The following CPLANE1 variants were observed in gnomAD, a reference collection of about 807,000 sequenced individuals.
CPLANE1 encodes ciliogenesis and planar polarity effector complex subunit 1, also known as ciliogenesis and planar polarity effector 1.
In CPLANE1, 263 loss-of-function variants were observed where a neutral mutation model predicts 362.5. That is an observed-to-expected ratio of 0.73 (90% CI 0.66 to 0.80). CPLANE1 has a LOEUF of 0.80. Among genes scored for constraint, CPLANE1 ranks in the 30% least tolerant of loss-of-function variants. The probability of loss-of-function intolerance (pLI) is 0.00; values close to 1 mark genes in which losing one functional copy is unlikely to be tolerated. For missense variants in CPLANE1, 3,461 were observed against 3,793.4 expected, an observed-to-expected ratio of 0.91 and a Z score of 2.30; for synonymous variants, 1,212 against 1,302.6, an observed-to-expected ratio of 0.93 and a Z score of 1.50.
At chr5:37,121,513 C>G in intron 49 of CPLANE1, 104 bp downstream of exon 49, 1 of 970,446 alleles carries the variant, frequency 1.0e-6, no homozygotes, top group Non-Finnish European at 1.6e-6. Flanking sequence ...TAACTCTAAG[C>G]AGGGTAAATG....
At position 37,107,585 on chromosome 5, in the gene CPLANE1, C is replaced by T; in HGVS notation, c.*17G>A. ...GAGGTGCTGGCCTGTGCATGGAAACCCAATGATATCCAGGTCTTACAGGTC... is the reference window on the plus strand; with the variant it reads ...GAGGTGCTGGCCTGTGCATGGAAACTCAATGATATCCAGGTCTTACAGGTC... On this transcript the variant is annotated 3_prime_UTR_variant, in exon 53 of 53. Transcript: ENST00000651892. 2 of 1,593,674 alleles carry T rather than the reference C, an allele frequency of 1.3e-6. No homozygotes were observed. Among genetic ancestry groups the T allele is most frequent in the Non-Finnish European group, 1.7e-6 (2 of 1,167,822 alleles).
chr5:37,243,164 A>G, intron 5 of CPLANE1, 45 bp from the exon 6 acceptor site: 1 of 1,076,364 alleles, frequency 9.3e-7, no homozygotes, highest in Non-Finnish European at 1.3e-6. Flanking sequence ...TAATCTGAAA[A>G]TAAATCAAGA....
intron 44 of CPLANE1, chr5:37,140,021 ATATCT>A: frequency 5.3e-6 from 5 of 948,362 alleles, no homozygotes; most frequent in Non-Finnish European, 6.3e-6. Context: ...ATTTTAGAAA[ATATCT>A]TATTTAAATC....
intron 15 of CPLANE1, among the ~76,000 whole-genome samples, chr5:37,217,747 G>T (rs946959104): frequency 1.3e-5 from 2 of 151,152 alleles, no homozygotes; most frequent in East Asian, 3.9e-4. Context: ...GAGGCCGAGG[G>T]GGGAGGATCA....
Position 37,198,762 on chromosome 5 carries a change from AGAAC to A in CPLANE1, c.3608_3611del (p.Cys1203PhefsTer4). The A allele has an allele frequency of 1.2e-6, 2 of 1,614,152 alleles. No homozygotes were observed. Among genetic ancestry groups the A allele is most frequent in the Non-Finnish European group, 1.7e-6 (2 of 1,180,038 alleles). On this transcript the variant is annotated frameshift_variant, in exon 20 of 53. Transcript: ENST00000651892. ...ATATATACCACTGTGCTACAGGAAA[AGAAC>A]ACTGAGCCGCCCGGAAAAGCAGGAG...
At chr5:37,159,009 C>G (rs1434307035) in intron 38 of CPLANE1, among the ~76,000 whole-genome samples, 3 of 150,602 alleles carry the variant, frequency 2.0e-5, no homozygotes, top group Admixed American at 6.6e-5. Flanking sequence ...TGGTCTCGAT[C>G]TCCTGACCTC....
intron 16 of CPLANE1, among the ~76,000 whole-genome samples, chr5:37,208,994 A>G (rs1362928996): frequency 1.3e-5 from 2 of 151,440 alleles, no homozygotes; most frequent in Non-Finnish European, 2.9e-5. Flanking sequence ...GCTCTCCAGA[A>G]CGGGAAGGCT....
chr5:37,147,549 G>A (rs1772036020), intron 43 of CPLANE1, among the ~76,000 whole-genome samples: 1 of 151,686 alleles, frequency 6.6e-6, no homozygotes. Flanking sequence ...AATAAAGTTA[G>A]AAAAAAGCCA....
intron 38 of CPLANE1, 120 bp downstream of exon 38, chr5:37,162,345 A>G (rs1777055156): frequency 3.2e-6 from 2 of 630,300 alleles, no homozygotes; most frequent in Non-Finnish European, 5.4e-6. Context: ...AAATCTAGGC[A>G]GAGTAAATAA....
intron 44 of CPLANE1, chr5:37,140,125 C>A: frequency 1.1e-6 from 1 of 886,648 alleles, no homozygotes. Flanking sequence ...GAGAAAAACA[C>A]TTAATCTATT....
At chr5:37,173,665 C>A in intron 32 of CPLANE1, 90 bp downstream of exon 32, 3 of 1,084,928 alleles carry the variant, frequency 2.8e-6, no homozygotes, top group Admixed American at 2.2e-5. Flanking sequence ...TATAATTTTA[C>A]CTTGTCAATT....
intron 21 of CPLANE1, among the ~76,000 whole-genome samples, chr5:37,195,029 C>G (rs1324076280): frequency 6.6e-6 from 1 of 151,780 alleles, no homozygotes; most frequent in Admixed American, 6.6e-5. Context: ...GTGGCGGGTG[C>G]CTGTAGTCCC....
intron 41 of CPLANE1, 103 bp downstream of exon 41, chr5:37,157,210 C>T (rs1775370650): frequency 2.0e-6 from 1 of 498,170 alleles, no homozygotes; most frequent in African/African-American, 2.0e-5. Context: ...TAGCAAGGGA[C>T]AACCCTTTTT....
intron 1 of CPLANE1, among the ~76,000 whole-genome samples, chr5:37,248,584 C>G (rs1180954429): frequency 6.6e-6 from 1 of 152,162 alleles, no homozygotes; most frequent in Non-Finnish European, 1.5e-5. Context: ...GAGTTCGAGG[C>G]TGCAGTGAGC....
At chr5:37,114,816 C>T (rs1468645634) in intron 51 of CPLANE1, 144 bp downstream of exon 51, 21 of 573,266 alleles carry the variant, frequency 3.7e-5, no homozygotes, top group Non-Finnish European at 5.5e-5. Context: ...AGGAGAATCA[C>T]TTGAACCCGG....
Position 37,245,972 on chromosome 5 carries a change from A to C in CPLANE1, c.82-127T>G, listed in dbSNP as rs534462907. ...ATTATCCATTTGTACCACAAATCAT[A>C]AAATGAACATTAAGCTTAATACTCT... On this transcript the variant is annotated intron_variant, in intron 2 of 52. Coordinates refer to ENST00000651892, the MANE Select transcript of CPLANE1 (RefSeq NM_001384732.1). The C allele has an allele frequency of 4.0e-4, 377 of 936,464 alleles. 1 individual carries two copies. Among genetic ancestry groups the C allele is most frequent in the Middle Eastern group, 1.0e-3 (3 of 2,890 alleles). The allele number at this position is 936,464 out of a possible 1,614,324, so 58.0% of individuals were successfully genotyped here. A position where few individuals can be genotyped will look rare whatever the true frequency, so the allele number is the denominator to read the frequency against.
intron 12 of CPLANE1, 62 bp downstream of exon 12, chr5:37,226,242 T>C: frequency 9.0e-7 from 1 of 1,111,076 alleles, no homozygotes; most frequent in African/African-American, 1.6e-5. Flanking sequence ...TGTAGCTCAG[T>C]TTCTAAAAAA....
rs748416368 is a variant in CPLANE1 at position 37,158,207 on chromosome 5, C to T, written c.7812+17G>A. On this transcript the variant is annotated intron_variant, in intron 39 of 52. Transcript: ENST00000651892. Reference sequence around the variant, plus strand: ...TAGCGCAAAGGTATTATTAAAACTTCTGAATAAAACACAAACCAAGTTTGT... The same window carrying T: ...TAGCGCAAAGGTATTATTAAAACTTTTGAATAAAACACAAACCAAGTTTGT... The T allele has an allele frequency of 1.4e-5, 22 of 1,612,138 alleles. No homozygotes were observed. In the East Asian group the frequency reaches 4.9e-4, roughly 36 times the overall value.
Position 37,115,787 on chromosome 5 carries a change from G to A in CPLANE1, c.9311-738C>T, listed in dbSNP as rs528062050. Among the ~76,000 whole-genome samples, 22 of 150,952 alleles carry A rather than the reference G, an allele frequency of 1.5e-4. No homozygotes were observed. In the South Asian group the frequency reaches 3.4e-3, roughly 23 times the overall value. ...ACTTTTTTTTATTTTTAGTAGAGAC[G>A]GGGTTTCACCATGTTGGCCAGGATG... On this transcript the variant is annotated intron_variant, in intron 50 of 52. Transcript: ENST00000651892.
Sources: gnomAD v4.1 joint callset for allele counts (sites outside exome capture counted in the v4.1 genomes callset) on GRCh38, gnomAD v4.1.1 for gene constraint, MANE v1.5 for transcripts, NCBI Gene and HGNC (gene_info 2026-07-23, HGNC 2026-07-21) for gene names.